Variants in NELFB observed in about 807,000 individuals in gnomAD.
The protein encoded by NELFB is negative elongation factor complex member B.
A neutral mutation model predicts 60.2 loss-of-function variants in NELFB; 34 were observed. That is an observed-to-expected ratio of 0.56 (90% CI 0.43 to 0.75). NELFB has a LOEUF of 0.75. Among genes scored for constraint, NELFB ranks in the 30% least tolerant of loss-of-function variants. NELFB has a pLI of 0.00. For missense variants in NELFB, 770 were observed against 831.6 expected, an observed-to-expected ratio of 0.93 and a Z score of 0.91; for synonymous variants, 459 against 382.1, an observed-to-expected ratio of 1.20 and a Z score of -2.35.
In NELFB at chr9:137,267,157, C is replaced by G. The variant is rs1588189141; in HGVS notation, c.1382+71C>G. 3 of 1,611,922 alleles carry G rather than the reference C, an allele frequency of 1.9e-6. No homozygotes were observed. The East Asian group carries it at 6.7e-5, about 36-fold the overall frequency. ...ATGGCACTGTTGCCCAGGGGGCTGC[C>G]TCAGGGCTGGGCAGGGGTCGGTGTG... On this transcript the variant is annotated intron_variant, in intron 9 of 12. Coordinates refer to ENST00000343053, the MANE Select transcript of NELFB (RefSeq NM_015456.5).
intron 4 of NELFB, among the ~76,000 whole-genome samples, chr9:137,258,449 ATT>A (rs535031200): frequency 1.1e-4 from 14 of 129,338 alleles, no homozygotes; most frequent in Non-Finnish European, 8.3e-5. Flanking sequence ...TAATTAGCCA[ATT>A]TTTTTTTTTT....
intron 4 of NELFB, among the ~76,000 whole-genome samples, chr9:137,259,765 C>T (rs1402220124): frequency 6.6e-6 from 1 of 150,988 alleles, no homozygotes; most frequent in Non-Finnish European, 1.5e-5. Flanking sequence ...TGCTCTGTCA[C>T]CCAGGCTGGA....
chr9:137,256,118 C>T lies in NELFB; in HGVS notation c.410+48C>T, dbSNP rs377263698. 102 of 1,584,328 alleles carry T rather than the reference C, an allele frequency of 6.4e-5. 1 individual carries two copies. The African/African-American group carries it at 1.3e-3, about 20-fold the overall frequency. ...CAGGTGAGATGTGCAGCCGGCCTCT[C>T]AGCCTTGGATCGACTCAGGGGCATT... On this transcript the variant is annotated intron_variant, in intron 2 of 12. Coordinates refer to ENST00000343053, the MANE Select transcript of NELFB (RefSeq NM_015456.5).
intron 10 of NELFB, among the ~76,000 whole-genome samples, chr9:137,271,052 C>G (rs76074520): frequency 6.6e-6 from 1 of 152,268 alleles, no homozygotes; most frequent in Admixed American, 6.5e-5. Flanking sequence ...GCTGTGTGGA[C>G]GGTCCCGTCA....
rs11555841 is a variant in NELFB at position 137,255,503 on chromosome 9, C to T, written c.138C>T (p.Ala46=). The change falls in exon 1 of 13, where the codon GCC becomes GCT. Residue 46 remains alanine (A), a synonymous_variant. Coordinates refer to ENST00000343053, the MANE Select transcript of NELFB (RefSeq NM_015456.5). ...CGCCTAGCCGGGCGGTGGCCGGGGC[C>T]TCGGCCATGTTCGCGGGGCTGCAGG... 1.3e-6 allele frequency: 2 copies of T among 1,533,120 alleles called. No homozygotes were observed. The highest frequency in any genetic ancestry group is 1.4e-5 in the African/African-American group (1 of 70,538). 95.0% of individuals were successfully genotyped at this position (1,533,120 alleles called of 1,614,324 possible). A position where few individuals can be genotyped will look rare whatever the true frequency, so the allele number is the denominator to read the frequency against.
intron 4 of NELFB, among the ~76,000 whole-genome samples, chr9:137,260,350 A>G (rs1830420982): frequency 6.8e-6 from 1 of 147,492 alleles, no homozygotes; most frequent in African/African-American, 2.5e-5. Context: ...GAGACCGGCT[A>G]TTTTATTTTA....
chr9:137,256,687 G>A, intron 3 of NELFB, 137 bp from the exon 4 acceptor site: 1 of 813,518 alleles, frequency 1.2e-6, no homozygotes, highest in Middle Eastern at 2.6e-4. Flanking sequence ...TGCTGGGGCC[G>A]GGGAACCAGT....
chr9:137,263,274 C>T (rs1448048656), intron 5 of NELFB, 52 bp downstream of exon 5: 9 of 1,520,650 alleles, frequency 5.9e-6, no homozygotes, highest in East Asian at 2.3e-5. Flanking sequence ...TAGTGCTGCC[C>T]TCCCTCCCTC....
chr9:137,256,594 G>C (rs575139188), intron 3 of NELFB, among the ~76,000 whole-genome samples, 166 bp downstream of exon 3: 1 of 152,374 alleles, frequency 6.6e-6, no homozygotes, highest in Non-Finnish European at 1.5e-5. Context: ...TGAGCCGCGT[G>C]GAGACCGAAC....
chr9:137,263,335 G>T, intron 5 of NELFB, 113 bp downstream of exon 5: 1 of 906,394 alleles, frequency 1.1e-6, no homozygotes. Flanking sequence ...CCCTCCTGAA[G>T]GTAGCGCTGC....
At chr9:137,267,439 A>G in intron 10 of NELFB, 93 bp downstream of exon 10, 2 of 1,069,774 alleles carry the variant, frequency 1.9e-6, no homozygotes, top group Non-Finnish European at 2.7e-6. Context: ...GGCCCCCAGG[A>G]GCTGCCTTGT....
At chr9:137,264,978 C>T (rs1256164845) in intron 6 of NELFB, among the ~76,000 whole-genome samples, 1 of 150,618 alleles carries the variant, frequency 6.6e-6, no homozygotes, top group African/African-American at 2.4e-5. Context: ...CATCCTCTGG[C>T]TGGTGTATAG....
rs1830491896 is a variant in NELFB, at chr9:137,264,244, G to T, written c.928-1G>T. ...GTCCCGACCGTGCTTCCTCCTTGCA[G>T]TTCACCTGGTGCCTGGACGCCTGCA... On this transcript the variant is annotated splice_acceptor_variant, in intron 5 of 12. Coordinates refer to ENST00000343053, the MANE Select transcript of NELFB (RefSeq NM_015456.5). LOFTEE classifies it high-confidence loss of function. 1 of 1,582,376 alleles carries T rather than the reference G, an allele frequency of 6.3e-7. No individual in the cohort carries two copies.
intron 4 of NELFB, among the ~76,000 whole-genome samples, chr9:137,258,815 C>A (rs1837598894): frequency 1.3e-5 from 2 of 151,972 alleles, no homozygotes; most frequent in South Asian, 4.2e-4. Flanking sequence ...TAAGATTTTT[C>A]AGCATCCACA....
chr9:137,267,410 C>T (rs1830534834), intron 10 of NELFB, 64 bp downstream of exon 10: 1 of 1,477,772 alleles, frequency 6.8e-7, no homozygotes, highest in African/African-American at 1.4e-5. Flanking sequence ...TGCAGTCCTG[C>T]CCAGGGTGCG....
chr9:137,270,237 C>T (rs9802915), intron 10 of NELFB, among the ~76,000 whole-genome samples: 101,065 of 148,398 alleles, frequency 0.68, 35,124 homozygotes, highest in Admixed American at 0.77. Context: ...ATCGAGATCA[C>T]GGCACTGCCC....
chr9:137,272,322 C>T (rs1488211965), intron 11 of NELFB, 100 bp downstream of exon 11: 16 of 1,552,466 alleles, frequency 1.0e-5, no homozygotes, highest in South Asian at 3.6e-5. Context: ...GCGGAGGGTC[C>T]GCAGGTGGGT....
rs375017387 is a variant in NELFB at position 137,266,020 on chromosome 9, C to T, written c.1143+41C>T. The T allele has an allele frequency of 1.7e-5, 25 of 1,453,530 alleles. No individual in the cohort carries two copies. The African/African-American group carries it at 2.9e-4, about 17-fold the overall frequency. 90.0% of individuals were successfully genotyped at this position (1,453,530 alleles called of 1,614,324 possible). On this transcript the variant is annotated intron_variant, in intron 7 of 12. Transcript: ENST00000343053. Reference sequence around the variant, plus strand: ...GCCAGCAGCTGTCGGGGCCATGCGGCCACTCCGCTGGCTGCTCTGGGTGGT... The same window carrying T: ...GCCAGCAGCTGTCGGGGCCATGCGGTCACTCCGCTGGCTGCTCTGGGTGGT...
At position 137,257,028 on chromosome 9, in the gene NELFB, TC is replaced by T; in HGVS notation, c.720del (p.Lys241ArgfsTer12). ...TGTCCTGCACAACTTTTTCAGTCCTTCCCCCAAGACCAGGCGCCAGGGCGAG... is the reference window on the plus strand; with the variant it reads ...TGTCCTGCACAACTTTTTCAGTCCTTCCCCAAGACCAGGCGCCAGGGCGAG... On this transcript the variant is annotated frameshift_variant, in exon 4 of 13. Transcript: ENST00000343053. LOFTEE classifies it high-confidence loss of function. 6.2e-7 allele frequency: 1 copy of T among 1,612,806 alleles called. No homozygotes were observed. Among genetic ancestry groups the T allele is most frequent in the Non-Finnish European group, 8.5e-7 (1 of 1,179,316 alleles).
Sources: allele counts gnomAD v4.1 joint callset (sites outside exome capture counted in the v4.1 genomes callset), GRCh38; gene constraint gnomAD v4.1.1; transcripts MANE v1.5; gene names NCBI Gene and HGNC (gene_info 2026-07-23, HGNC 2026-07-21).